CDIN1: variants seen among roughly 807,000 people sequenced by gnomAD.
CDIN1 encodes the protein CDAN1-interacting nuclease 1.
Under a neutral mutation model 45.3 loss-of-function variants are expected in CDIN1, and 33 were observed. That is an observed-to-expected ratio of 0.73 (90% confidence interval 0.55 to 0.97). CDIN1 has a LOEUF of 0.97. Ranked by LOEUF, CDIN1 falls within the 50% of genes least tolerant of loss-of-function variation. CDIN1 has a pLI of 0.00. For missense variants in CDIN1, 303 were observed against 339.4 expected, an observed-to-expected ratio of 0.89 and a Z score of 0.84; for synonymous variants, 118 against 124.4, an observed-to-expected ratio of 0.95 and a Z score of 0.34.
At chr15:36,591,320 A>G (rs886303148) in intron 1 of CDIN1, among the ~76,000 whole-genome samples, 2 of 152,164 alleles carry the variant, frequency 1.3e-5, no homozygotes, top group African/African-American at 4.8e-5. Flanking sequence ...GTTTTTGCTG[A>G]TAATATTGGT....
At chr15:36,714,178 T>G (rs2043146161) in intron 10 of CDIN1, among the ~76,000 whole-genome samples, 1 of 152,208 alleles carries the variant, frequency 6.6e-6, no homozygotes, top group Non-Finnish European at 1.5e-5. Context: ...TACGCACTTT[T>G]CAAATGTGTA....
chr15:36,672,076 G>A (rs1356039063), intron 5 of CDIN1, among the ~76,000 whole-genome samples: 1 of 151,956 alleles, frequency 6.6e-6, no homozygotes, highest in Non-Finnish European at 1.5e-5. Context: ...CATTCAAAAT[G>A]TCAGCTTGCT....
chr15:36,784,913 G>T (rs16964057), intron 10 of CDIN1, among the ~76,000 whole-genome samples: 2,544 of 152,208 alleles, frequency 0.017, 66 homozygotes, highest in African/African-American at 0.058. Context: ...TTGATTTTGT[G>T]GTATGGCAGG....
chr15:36,614,411 T>C (rs1398834333), intron 1 of CDIN1, among the ~76,000 whole-genome samples: 1 of 152,192 alleles, frequency 6.6e-6, no homozygotes, highest in Admixed American at 6.5e-5. Context: ...CTGAGCACCT[T>C]TGGAAACAAC....
chr15:36,787,132 C>T (rs1453231629), intron 10 of CDIN1, among the ~76,000 whole-genome samples: 1 of 152,072 alleles, frequency 6.6e-6, no homozygotes, highest in African/African-American at 2.4e-5. Context: ...TTTTTTATTT[C>T]CAGATTTATT....
At position 36,616,931 on chromosome 15, in the gene CDIN1, AT is replaced by A. The variant is rs915102537; in HGVS notation, c.102-27346del. Among the ~76,000 whole-genome samples, 17 of 144,934 alleles carry A rather than the reference AT, an allele frequency of 1.2e-4. No individual in the cohort carries two copies. In the East Asian group the frequency reaches 1.6e-3, roughly 13 times the overall value. ...CACAGCAAGACTTAGTGTCAAAAAA[AT>A]ATATATATATATAATGCAAATAAAA... On this transcript the variant is annotated intron_variant, in intron 1 of 10. Coordinates refer to ENST00000566621, the MANE Select transcript of CDIN1 (RefSeq NM_001321759.2).
At chr15:36,784,266 T>C (rs1189044791) in intron 10 of CDIN1, among the ~76,000 whole-genome samples, 2 of 152,166 alleles carry the variant, frequency 1.3e-5, no homozygotes, top group Non-Finnish European at 2.9e-5. Context: ...CCTGGCACTT[T>C]AGCAGGGGCT....
chr15:36,639,184 C>CAT (rs1192512271), intron 1 of CDIN1, among the ~76,000 whole-genome samples: 2 of 151,758 alleles, frequency 1.3e-5, no homozygotes, highest in African/African-American at 4.8e-5. Context: ...CCACTTTTTT[C>CAT]ATATATATAC....
chr15:36,735,560 T>C (rs973235958), intron 10 of CDIN1, among the ~76,000 whole-genome samples: 2 of 152,146 alleles, frequency 1.3e-5, no homozygotes, highest in Non-Finnish European at 2.9e-5. Flanking sequence ...CATATGTGCA[T>C]ATATATGCAT....
At chr15:36,755,299 C>G (rs1027763513) in intron 10 of CDIN1, among the ~76,000 whole-genome samples, 1 of 152,140 alleles carries the variant, frequency 6.6e-6, no homozygotes, top group African/African-American at 2.4e-5. Flanking sequence ...AACCATCACC[C>G]GGGCACCCAA....
intron 10 of CDIN1, among the ~76,000 whole-genome samples, chr15:36,719,336 G>A (rs570521362): frequency 1.3e-5 from 2 of 152,210 alleles, no homozygotes; most frequent in East Asian, 3.9e-4. Flanking sequence ...TCAAAAATTG[G>A]TGTTGGATTT....
chr15:36,586,165 G>T, intron 1 of CDIN1, among the ~76,000 whole-genome samples: 1 of 147,530 alleles, frequency 6.8e-6, no homozygotes, highest in African/African-American at 2.5e-5. Context: ...ACACTCCACA[G>T]TTTGCTTGGT....
At chr15:36,790,032 A>AAAT (rs1223897335) in intron 10 of CDIN1, among the ~76,000 whole-genome samples, 1 of 152,156 alleles carries the variant, frequency 6.6e-6, no homozygotes, top group Non-Finnish European at 1.5e-5. Context: ...TATATCATGA[A>AAAT]AATAGACTGA....
At chr15:36,709,721 G>A (rs907991022) in intron 9 of CDIN1, 135 bp from the exon 10 acceptor site, 2 of 618,190 alleles carry the variant, frequency 3.2e-6, no homozygotes, top group Non-Finnish European at 5.8e-6. Flanking sequence ...GTGTTGTTTT[G>A]TAATTACATT....
At chr15:36,749,910 C>T (rs975874277) in intron 10 of CDIN1, among the ~76,000 whole-genome samples, 5 of 152,176 alleles carry the variant, frequency 3.3e-5, no homozygotes, top group Non-Finnish European at 5.9e-5. Context: ...CCAGGTCCCC[C>T]GACCTTTTGG....
intron 10 of CDIN1, among the ~76,000 whole-genome samples, chr15:36,772,887 A>C (rs2054114840): frequency 1.3e-5 from 2 of 152,212 alleles, no homozygotes; most frequent in Non-Finnish European, 1.5e-5. Flanking sequence ...GAGGAAAGAA[A>C]AACCTGTATA....
intron 10 of CDIN1, among the ~76,000 whole-genome samples, chr15:36,738,111 C>T (rs1177402162): frequency 6.6e-6 from 1 of 152,104 alleles, no homozygotes; most frequent in Non-Finnish European, 1.5e-5. Context: ...CAGAGCTCAA[C>T]ATTTCATCCT....
In CDIN1 at chr15:36,692,242, C is replaced by G. The variant is rs920066852; in HGVS notation, c.476+67C>G. 8.4e-6 allele frequency: 12 copies of G among 1,427,550 alleles called. No homozygotes were observed. The Middle Eastern group carries it at 7.1e-4, about 85-fold the overall frequency. 88.4% of individuals were successfully genotyped at this position (1,427,550 alleles called of 1,614,324 possible). ...TTAGACTCAGTGGAGATGTGTCTAGCTTTAACCTGACATAAAGTTCTGCTT... is the reference window on the plus strand; with the variant it reads ...TTAGACTCAGTGGAGATGTGTCTAGGTTTAACCTGACATAAAGTTCTGCTT... On this transcript the variant is annotated intron_variant, in intron 7 of 10. Coordinates refer to ENST00000566621, the MANE Select transcript of CDIN1 (RefSeq NM_001321759.2).
intron 10 of CDIN1, among the ~76,000 whole-genome samples, chr15:36,784,320 GT>G (rs2054432797): frequency 6.6e-6 from 1 of 152,170 alleles, no homozygotes; most frequent in Admixed American, 6.6e-5. Flanking sequence ...ACTGGTAGCC[GT>G]GTAAGTGGTG....
Sources: allele counts gnomAD v4.1 joint callset (sites outside exome capture counted in the v4.1 genomes callset), GRCh38; gene constraint gnomAD v4.1.1; transcripts MANE v1.5; gene names NCBI Gene and HGNC (gene_info 2026-07-23, HGNC 2026-07-21).